The following NAA11 variants were observed in gnomAD, a reference collection of about 807,000 sequenced individuals.
NAA11 encodes N-alpha-acetyltransferase 11.
NAA11 carries 15 observed loss-of-function variants against 16.1 expected under a neutral mutation model. The observed-to-expected ratio is 0.93, with a 90% confidence interval of 0.62 to 1.44. The LOEUF is 1.44. NAA11 is among the 40% of genes most tolerant of loss of function. The probability of loss-of-function intolerance (pLI) is 0.00; values close to 1 mark genes in which losing one functional copy is unlikely to be tolerated. For missense variants in NAA11, 298 were observed against 291.3 expected (o/e 1.02, Z -0.17); for synonymous variants, 122 against 112.4 (o/e 1.09, Z -0.54).
chr4:79,269,637 T>C (rs1427325142), intron 2 of NAA11, among the ~76,000 whole-genome samples: 4 of 149,182 alleles, frequency 2.7e-5, no homozygotes, highest in Non-Finnish European at 4.5e-5. Flanking sequence ...GAAAATTTTC[T>C]CCCATTTTGT....
chr4:79,197,946 G>C, the NAA11 span, among the ~76,000 whole-genome samples: 2 of 150,892 alleles, frequency 1.3e-5, no homozygotes, highest in Non-Finnish European at 3.0e-5. Context: ...GATAGGAAAG[G>C]TTATGCGAGG....
At chr4:79,191,131 G>T in the NAA11 span, among the ~76,000 whole-genome samples, 1 of 152,038 alleles carries the variant, frequency 6.6e-6, no homozygotes, top group African/African-American at 2.4e-5. Context: ...TGCAGTGAAC[G>T]TTCGCGTGCA....
intron 2 of NAA11, among the ~76,000 whole-genome samples, chr4:79,232,101 TATG>T (rs1721479776): frequency 6.6e-6 from 1 of 151,882 alleles, no homozygotes; most frequent in South Asian, 2.1e-4. Context: ...GATGAAATGA[TATG>T]ATGTCTGAGG....
chr4:79,268,154 C>G (rs1462874590), intron 2 of NAA11, among the ~76,000 whole-genome samples: 1 of 152,100 alleles, frequency 6.6e-6, no homozygotes, highest in African/African-American at 2.4e-5. Context: ...ATTCTTTTTA[C>G]TGTTTTGAAA....
chr4:79,290,253 G>C (rs547800189), intron 2 of NAA11, among the ~76,000 whole-genome samples: 2 of 152,200 alleles, frequency 1.3e-5, no homozygotes, highest in African/African-American at 4.8e-5. Flanking sequence ...ATGGGGAGAT[G>C]GGAGGAAGAT....
chr4:79,183,784 A>G, the NAA11 span, among the ~76,000 whole-genome samples: 1 of 152,006 alleles, frequency 6.6e-6, no homozygotes, highest in South Asian at 2.1e-4. Context: ...GATCTATTTT[A>G]TGCTATTTTC....
intron 2 of NAA11, among the ~76,000 whole-genome samples, chr4:79,255,330 C>T (rs188620562): frequency 2.0e-5 from 3 of 152,156 alleles, no homozygotes; most frequent in Non-Finnish European, 2.9e-5. Context: ...ATTTTTTAAA[C>T]TCTTCTTTAC....
chr4:79,251,040 G>T (rs571421360), intron 2 of NAA11, among the ~76,000 whole-genome samples: 2 of 152,288 alleles, frequency 1.3e-5, no homozygotes, highest in East Asian at 3.9e-4. Context: ...ATTATTAATG[G>T]CTCAGCCATT....
rs558582427 is a variant in NAA11, at chr4:79,325,894, G to A, written c.-17C>T. Reference sequence around the variant, plus strand: ...GATGTTCATAATGGCAGAGGGTAGGGAACCGGTTGGACTGCAGTGAACCCA... The same window carrying A: ...GATGTTCATAATGGCAGAGGGTAGGAAACCGGTTGGACTGCAGTGAACCCA... On this transcript the variant is annotated 5_prime_UTR_variant, in exon 1 of 2. Coordinates refer to ENST00000286794, the MANE Select transcript of NAA11 (RefSeq NM_032693.3). 34 of 1,590,230 alleles carry A rather than the reference G, an allele frequency of 2.1e-5. No individual in the cohort carries two copies. In the African/African-American group the frequency reaches 4.3e-4, roughly 20 times the overall value.
Position 79,265,389 on chromosome 4 carries a change from C to G in NAA11, c.*122+28616G>C, listed in dbSNP as rs1043216716. Among the ~76,000 whole-genome samples, 6 of 152,126 alleles carry G rather than the reference C, an allele frequency of 3.9e-5. No homozygotes were observed. In the East Asian group the frequency reaches 7.7e-4, roughly 20 times the overall value. ...AAACTTAAGTCCAAACAAGTTAGTC[C>G]TCTGTTCAAAACTCTCTGCTGATAC... On this transcript the variant is annotated intron_variant and NMD_transcript_variant, in intron 2 of 2. Transcript: ENST00000511542.
chr4:79,196,979 A>AAAAAAAAGAAAG, the NAA11 span, among the ~76,000 whole-genome samples: 1 of 125,556 alleles, frequency 8.0e-6, no homozygotes, highest in African/African-American at 3.0e-5. Context: ...AAAAAAAAAA[A>AAAAAAAAGAAAG]AAAGAAAGAA....
chr4:79,237,616 T>A (rs1721599082), intron 2 of NAA11, among the ~76,000 whole-genome samples: 1 of 152,212 alleles, frequency 6.6e-6, no homozygotes, highest in Non-Finnish European at 1.5e-5. Flanking sequence ...ATTAGGATTG[T>A]GTTACTCTGA....
chr4:79,255,950 T>A (rs962183679), intron 2 of NAA11, among the ~76,000 whole-genome samples: 1 of 152,176 alleles, frequency 6.6e-6, no homozygotes, highest in Non-Finnish European at 1.5e-5. Flanking sequence ...GGGCGGTAAC[T>A]CCCAGGTGTT....
intron 2 of NAA11, among the ~76,000 whole-genome samples, chr4:79,266,331 A>G (rs570688751): frequency 1.3e-5 from 2 of 152,304 alleles, no homozygotes; most frequent in African/African-American, 4.8e-5. Context: ...AGGCAACCTG[A>G]TGTGCACTCT....
chr4:79,188,020 A>G, the NAA11 span, among the ~76,000 whole-genome samples: 6 of 151,252 alleles, frequency 4.0e-5, no homozygotes, highest in Admixed American at 6.6e-5. Context: ...AAAAAAAAAA[A>G]AAAGAAATAC....
the NAA11 span, among the ~76,000 whole-genome samples, chr4:79,216,916 C>G: frequency 6.6e-6 from 1 of 152,182 alleles, no homozygotes; most frequent in Admixed American, 6.6e-5. Context: ...ATTTTTCCAC[C>G]AAACATATGC....
At chr4:79,321,337 G>A (rs745340793) in intron 1 of NAA11, among the ~76,000 whole-genome samples, 6 of 152,286 alleles carry the variant, frequency 3.9e-5, no homozygotes, top group Admixed American at 1.3e-4. Context: ...TGAGCACAAA[G>A]CTAAACTAAA....
At chr4:79,244,121 A>G (rs1251914250) in intron 2 of NAA11, among the ~76,000 whole-genome samples, 2 of 152,198 alleles carry the variant, frequency 1.3e-5, no homozygotes, top group Non-Finnish European at 2.9e-5. Context: ...TTTAATTAAC[A>G]CTTCAATGTT....
At chr4:79,186,697 G>C in the NAA11 span, among the ~76,000 whole-genome samples, 2 of 152,096 alleles carry the variant, frequency 1.3e-5, no homozygotes, top group Non-Finnish European at 2.9e-5. Flanking sequence ...AAAAGAGATG[G>C]ATTTTGTCAA....
Sources: gnomAD v4.1 joint callset for allele counts (sites outside exome capture counted in the v4.1 genomes callset) on GRCh38, gnomAD v4.1.1 for gene constraint, MANE v1.5 for transcripts, NCBI Gene and HGNC (gene_info 2026-07-23, HGNC 2026-07-21) for gene names.